Variants in FBXL13 observed in about 807,000 individuals in gnomAD.
FBXL13 encodes F-box and leucine-rich repeat protein 13.
A neutral mutation model predicts 83.6 loss-of-function variants in FBXL13; 67 were observed. That is an observed-to-expected ratio of 0.80 (90% CI 0.66 to 0.98). FBXL13 has a LOEUF of 0.98. Among genes scored for constraint, FBXL13 ranks in the 50% least tolerant of loss-of-function variants. The pLI is 0.00. For synonymous variants in FBXL13, 272 were observed against 299.5 expected, an observed-to-expected ratio of 0.91 and a Z score of 0.95; for missense variants, 822 against 866.5, an observed-to-expected ratio of 0.95 and a Z score of 0.64.
chr7:102,849,684 C>T (rs1467609684), intron 17 of FBXL13, among the ~76,000 whole-genome samples: 1 of 152,164 alleles, frequency 6.6e-6, no homozygotes, highest in Non-Finnish European at 1.5e-5. Flanking sequence ...AAGTCACTTT[C>T]TCCTCCCCCG....
At chr7:103,028,540 G>A in intron 4 of FBXL13, 60 bp downstream of exon 5, 1 of 1,283,988 alleles carries the variant, frequency 7.8e-7, no homozygotes, top group Non-Finnish European at 1.0e-6. Flanking sequence ...TTAACTGTTA[G>A]TTTTTTTATT....
chr7:102,960,784 A>G (rs1181632657), intron 8 of FBXL13, among the ~76,000 whole-genome samples: 1 of 151,710 alleles, frequency 6.6e-6, no homozygotes, highest in African/African-American at 2.4e-5. Context: ...AAATTCAACA[A>G]CCTTTCATGC....
chr7:103,008,039 T>C (rs1240455867), intron 6 of FBXL13, among the ~76,000 whole-genome samples: 5 of 152,122 alleles, frequency 3.3e-5, no homozygotes, highest in Non-Finnish European at 7.4e-5. Flanking sequence ...TGGTGATAGA[T>C]GGAGCCCAAG....
chr7:103,029,534 G>A (rs1313241937), intron 2 of FBXL13, 116 bp from the exon 4 acceptor site: 5 of 514,376 alleles, frequency 9.7e-6, no homozygotes. Flanking sequence ...GAAGGGAATT[G>A]GGCAGTTGGA....
intron 16 of FBXL13, among the ~76,000 whole-genome samples, chr7:102,865,684 G>A (rs887016194): frequency 6.6e-6 from 1 of 151,982 alleles, no homozygotes; most frequent in Non-Finnish European, 1.5e-5. Flanking sequence ...TGGGACTACA[G>A]GCACGCGCCA....
intron 17 of FBXL13, among the ~76,000 whole-genome samples, chr7:102,850,668 A>G (rs1805064806): frequency 6.6e-6 from 1 of 152,212 alleles, no homozygotes; most frequent in African/African-American, 2.4e-5. Flanking sequence ...AGTAGGTTAC[A>G]TACATCTAAA....
chr7:102,951,647 A>AC (rs1823422968), intron 8 of FBXL13, among the ~76,000 whole-genome samples: 1 of 150,846 alleles, frequency 6.6e-6, no homozygotes, highest in Non-Finnish European at 1.5e-5. Flanking sequence ...GTCTCTACAA[A>AC]TTTTTTTTTA....
chr7:102,817,838 C>T (rs1562895381), intron 19 of FBXL13, among the ~76,000 whole-genome samples: 1 of 152,150 alleles, frequency 6.6e-6, no homozygotes, highest in Non-Finnish European at 1.5e-5. Context: ...GCCTAAGTGA[C>T]TGTGAGACCC....
At chr7:103,050,849 G>A (rs917878234) in intron 2 of FBXL13, among the ~76,000 whole-genome samples, 15 of 152,142 alleles carry the variant, frequency 9.9e-5, no homozygotes, top group Admixed American at 3.9e-4. Flanking sequence ...ACCTATAGCC[G>A]TCAGCAAAAA....
intron 17 of FBXL13, among the ~76,000 whole-genome samples, chr7:102,848,510 T>C (rs1217915257): frequency 2.2e-4 from 8 of 36,908 alleles, no homozygotes; most frequent in African/African-American, 1.4e-3. Context: ...GAGCCGAGAT[T>C]GCGCCACTGC....
At chr7:103,015,541 T>C (rs1445751126) in intron 6 of FBXL13, among the ~76,000 whole-genome samples, 1 of 152,164 alleles carries the variant, frequency 6.6e-6, no homozygotes, top group Non-Finnish European at 1.5e-5. Flanking sequence ...CTCATGGCGG[T>C]AATCCCAGCA....
At chr7:102,912,677 C>CG (rs920682270) in intron 11 of FBXL13, among the ~76,000 whole-genome samples, 8 of 136,102 alleles carry the variant, frequency 5.9e-5, no homozygotes, top group African/African-American at 2.2e-4. Context: ...TTTTACCCCC[C>CG]CCCCCCCAAA....
At chr7:103,007,477 G>A (rs1791108544) in intron 6 of FBXL13, among the ~76,000 whole-genome samples, 1 of 152,022 alleles carries the variant, frequency 6.6e-6, no homozygotes, top group South Asian at 2.1e-4. Context: ...AAACCTGTCA[G>A]CCTAGAATTC....
chr7:102,924,238 CAA>C (rs564121170), intron 10 of FBXL13, among the ~76,000 whole-genome samples: 23 of 54,356 alleles, frequency 4.2e-4, no homozygotes, highest in Admixed American at 4.4e-4. Flanking sequence ...AACTCCGTCT[CAA>C]AAAAAAAAAA....
chr7:103,065,471 G>A (rs1798307322), intron 1 of FBXL13, among the ~76,000 whole-genome samples: 1 of 152,122 alleles, frequency 6.6e-6, no homozygotes, highest in Non-Finnish European at 1.5e-5. Flanking sequence ...TCCCTCTCCA[G>A]TTAATCCTCC....
intron 1 of FBXL13, among the ~76,000 whole-genome samples, chr7:103,066,791 ATTT>A (rs762824127): frequency 3.6e-5 from 5 of 137,660 alleles, no homozygotes; most frequent in Admixed American, 7.3e-5. Flanking sequence ...TTTTGTGAGG[ATTT>A]TTTTTTTTTT....
intron 11 of FBXL13, among the ~76,000 whole-genome samples, chr7:102,888,220 CAG>C (rs1563047793): frequency 1.3e-5 from 2 of 151,658 alleles, no homozygotes; most frequent in African/African-American, 2.4e-5. Context: ...GGAAAGAGTG[CAG>C]AGTTTGGCAA....
chr7:102,889,847 A>G (rs1811301840), intron 11 of FBXL13, among the ~76,000 whole-genome samples: 1 of 152,154 alleles, frequency 6.6e-6, no homozygotes, highest in Non-Finnish European at 1.5e-5. Context: ...AAAACATACA[A>G]TCTTTTCTCT....
intron 1 of FBXL13, among the ~76,000 whole-genome samples, chr7:103,070,021 G>A (rs1453200965): frequency 6.7e-6 from 1 of 150,086 alleles, no homozygotes; most frequent in Non-Finnish European, 1.5e-5. Flanking sequence ...GGAGCTTGCA[G>A]TGAGCCGAGA....
Sources: allele counts gnomAD v4.1 joint callset (sites outside exome capture counted in the v4.1 genomes callset), GRCh38; gene constraint gnomAD v4.1.1; transcripts MANE v1.5; gene names NCBI Gene and HGNC (gene_info 2026-07-23, HGNC 2026-07-21).